The following ENTREP2 variants were observed in gnomAD, a reference collection of about 807,000 sequenced individuals.
ENTREP2 encodes the protein endosomal transmembrane epsin interactor 2.
the ENTREP2 span, among the ~76,000 whole-genome samples, chr15:29,318,553 C>T: frequency 6.6e-6 from 1 of 152,116 alleles, no homozygotes; most frequent in African/African-American, 2.4e-5. Flanking sequence ...ATCTCCTGAC[C>T]TCGTGATCCG....
At chr15:29,620,496 G>C in the ENTREP2 span, among the ~76,000 whole-genome samples, 2 of 152,050 alleles carry the variant, frequency 1.3e-5, no homozygotes, top group African/African-American at 4.8e-5. Context: ...GTCTGGGCCA[G>C]GTGCAGTGGC....
chr15:29,511,375 C>T, the ENTREP2 span, among the ~76,000 whole-genome samples: 9 of 148,004 alleles, frequency 6.1e-5, no homozygotes, highest in Middle Eastern at 3.5e-3. Context: ...GAGTCTTGCT[C>T]TGTTGCCCAG....
chr15:29,158,992 T>A, the ENTREP2 span, among the ~76,000 whole-genome samples: 1 of 152,096 alleles, frequency 6.6e-6, no homozygotes, highest in South Asian at 2.1e-4. Context: ...ACAATGTACA[T>A]ACATATAGCC....
chr15:29,669,856 C>T, the ENTREP2 span, among the ~76,000 whole-genome samples: 1 of 152,158 alleles, frequency 6.6e-6, no homozygotes, highest in Non-Finnish European at 1.5e-5. Context: ...CCATAAATAA[C>T]GAAGCATTAG....
At chr15:29,279,090 A>G in the ENTREP2 span, among the ~76,000 whole-genome samples, 10 of 152,196 alleles carry the variant, frequency 6.6e-5, no homozygotes, top group Non-Finnish European at 1.3e-4. Context: ...TAAAGGCCTC[A>G]TTTTAACTTA....
At chr15:29,184,112 G>A in the ENTREP2 span, among the ~76,000 whole-genome samples, 1 of 152,106 alleles carries the variant, frequency 6.6e-6, no homozygotes, top group African/African-American at 2.4e-5. Context: ...AGCCTCCTGA[G>A]TAGCTGGAAC....
the ENTREP2 span, among the ~76,000 whole-genome samples, chr15:29,314,054 G>C: frequency 2.0e-5 from 3 of 152,160 alleles, no homozygotes; most frequent in Admixed American, 2.0e-4. Flanking sequence ...CTAAAGATGT[G>C]GCTAAATTGT....
the ENTREP2 span, among the ~76,000 whole-genome samples, chr15:29,149,750 A>G: frequency 6.6e-6 from 1 of 151,956 alleles, no homozygotes; most frequent in African/African-American, 2.4e-5. Flanking sequence ...TTCACCCACC[A>G]CCAGCTCTCT....
the ENTREP2 span, among the ~76,000 whole-genome samples, chr15:29,526,177 C>A: frequency 6.6e-6 from 1 of 152,110 alleles, no homozygotes; most frequent in Non-Finnish European, 1.5e-5. Flanking sequence ...CTACACCTGG[C>A]AAAAAGCTTT....
At chr15:29,198,869 G>A in the ENTREP2 span, among the ~76,000 whole-genome samples, 1 of 152,152 alleles carries the variant, frequency 6.6e-6, no homozygotes, top group African/African-American at 2.4e-5. Flanking sequence ...AATATTTTTA[G>A]TATTTGGCAT....
At chr15:29,230,733 A>C in the ENTREP2 span, among the ~76,000 whole-genome samples, 1 of 152,168 alleles carries the variant, frequency 6.6e-6, no homozygotes, top group African/African-American at 2.4e-5. Context: ...AAAGAAATGA[A>C]GGTAAGCCTA....
chr15:29,329,528 G>C, the ENTREP2 span, among the ~76,000 whole-genome samples: 2 of 152,122 alleles, frequency 1.3e-5, no homozygotes, highest in Non-Finnish European at 2.9e-5. Flanking sequence ...TAGAAGCAAA[G>C]GCCTCTCCCC....
the ENTREP2 span, among the ~76,000 whole-genome samples, chr15:29,223,892 C>T: frequency 6.6e-6 from 1 of 152,194 alleles, no homozygotes; most frequent in Non-Finnish European, 1.5e-5. Flanking sequence ...GACAGACGTC[C>T]CAGTGCACAT....
the ENTREP2 span, chr15:29,569,823 C>G: frequency 1.2e-4 from 19 of 152,636 alleles, no homozygotes; most frequent in African/African-American, 4.6e-4. Flanking sequence ...GTCTGGAGCT[C>G]AGAAAGCACG....
the ENTREP2 span, among the ~76,000 whole-genome samples, chr15:29,305,425 G>A: frequency 2.6e-5 from 4 of 152,182 alleles, no homozygotes; most frequent in African/African-American, 7.2e-5. Context: ...CAGGAGTAGC[G>A]CCAGGGAGAG....
At chr15:29,573,479 T>C in the ENTREP2 span, among the ~76,000 whole-genome samples, 10 of 152,320 alleles carry the variant, frequency 6.6e-5, no homozygotes, top group African/African-American at 1.9e-4. Flanking sequence ...AGAAAAAGAT[T>C]GAAGAAAGTA....
At chr15:29,598,464 G>A in the ENTREP2 span, among the ~76,000 whole-genome samples, 6 of 152,194 alleles carry the variant, frequency 3.9e-5, no homozygotes, top group African/African-American at 1.4e-4. Context: ...TTATTTAAGA[G>A]AACATTTTGC....
At chr15:29,296,679 G>A in the ENTREP2 span, among the ~76,000 whole-genome samples, 1 of 152,190 alleles carries the variant, frequency 6.6e-6, no homozygotes, top group South Asian at 2.1e-4. Context: ...CCTAGTTACA[G>A]TAACAACTGG....
At chr15:29,151,862 G>A in the ENTREP2 span, 2 of 1,524,138 alleles carry the variant, frequency 1.3e-6, no homozygotes, top group Non-Finnish European at 1.8e-6. Context: ...AGGTGCAGGA[G>A]AATGTCAGCC....
Sources: allele counts gnomAD v4.1 joint callset (sites outside exome capture counted in the v4.1 genomes callset), GRCh38; gene constraint gnomAD v4.1.1; transcripts MANE v1.5; gene names NCBI Gene and HGNC (gene_info 2026-07-23, HGNC 2026-07-21).